The following CNTN1 variants were observed in gnomAD, a reference collection of about 807,000 sequenced individuals.
CNTN1 encodes contactin 1, also known as contactin-1.
Under a neutral mutation model 126.4 loss-of-function variants are expected in CNTN1, and 38 were observed. The observed-to-expected ratio is 0.30, with a 90% confidence interval of 0.23 to 0.39. The LOEUF (loss-of-function observed/expected upper bound fraction) is 0.39. Ranked by LOEUF, CNTN1 falls within the 10% of genes least tolerant of loss-of-function variation. CNTN1 has a pLI of 1.00. For synonymous variants in CNTN1, 413 were observed against 422.6 expected (o/e 0.98, Z 0.28); for missense variants, 1,009 against 1,248.4 (o/e 0.81, Z 2.89).
intron 18 of CNTN1, among the ~76,000 whole-genome samples, chr12:41,014,754 C>G (rs1022721712): frequency 6.6e-6 from 1 of 152,162 alleles, no homozygotes; most frequent in Non-Finnish European, 1.5e-5. Flanking sequence ...TTAGAAGTCA[C>G]CCATGGGACT....
rs1036256810 is a variant in CNTN1 at position 40,933,735 on chromosome 12, C to T, written c.842C>T (p.Pro281Leu). The change falls in exon 9 of 24, where the codon CCA (proline) becomes CTA (leucine). Residue 281 changes from proline (P) to leucine (L), a missense_variant. By Grantham distance (98) the Pro-to-Leu change is moderately conservative. Coordinates refer to ENST00000551295, the MANE Select transcript of CNTN1 (RefSeq NM_001843.4). Reference protein sequence around the residue: ...PDIRWRKVLEPMPSTAEISTS... With the variant: ...PDIRWRKVLELMPSTAEISTS... ...ATCCGATGGCGGAAGGTTCTAGAAC[C>T]AATGCCAAGCACTGCTGAGATTAGC... is the stretch of plus-strand genomic sequence containing the variant. 1 of 1,612,790 alleles carries T rather than the reference C, an allele frequency of 6.2e-7. No homozygotes were observed.
At chr12:40,757,804 G>T (rs1377639999) in intron 1 of CNTN1, among the ~76,000 whole-genome samples, 1 of 152,060 alleles carries the variant, frequency 6.6e-6, no homozygotes, top group Non-Finnish European at 1.5e-5. Flanking sequence ...TCTTAAGTTA[G>T]TCTTTCTTTA....
intron 16 of CNTN1, among the ~76,000 whole-genome samples, chr12:40,985,584 T>C (rs1191217343): frequency 6.6e-6 from 1 of 152,186 alleles, no homozygotes; most frequent in Non-Finnish European, 1.5e-5. Flanking sequence ...AGTTATTGTT[T>C]TAATCATAAT....
intron 1 of CNTN1, among the ~76,000 whole-genome samples, chr12:40,751,128 G>A (rs1044222881): frequency 1.3e-5 from 2 of 152,024 alleles, no homozygotes; most frequent in Non-Finnish European, 2.9e-5. Flanking sequence ...ATAGGATGAA[G>A]ACCAAAAAGA....
At chr12:40,800,189 A>G (rs111337687) in intron 1 of CNTN1, among the ~76,000 whole-genome samples, 1,893 of 151,890 alleles carry the variant, frequency 0.012, 37 homozygotes, top group African/African-American at 0.043. Context: ...TTCTCACGAC[A>G]TCTGATGGTT....
intron 1 of CNTN1, among the ~76,000 whole-genome samples, chr12:40,730,362 G>A (rs1592021986): frequency 6.6e-6 from 1 of 152,182 alleles, no homozygotes; most frequent in Admixed American, 6.5e-5. Context: ...AAGGGTGGAC[G>A]GTGCACTGTG....
intron 3 of CNTN1, among the ~76,000 whole-genome samples, chr12:40,911,739 T>C (rs1945045299): frequency 6.6e-6 from 1 of 152,230 alleles, no homozygotes; most frequent in Non-Finnish European, 1.5e-5. Flanking sequence ...GCTTGTTTTT[T>C]TTCTTGTATC....
intron 14 of CNTN1, among the ~76,000 whole-genome samples, chr12:40,946,650 C>G (rs10879395): frequency 0.46 from 70,078 of 151,900 alleles, 16,190 homozygotes; most frequent in Admixed American, 0.5. Flanking sequence ...AAAACTAATA[C>G]AGGAAGTTCT....
chr12:41,038,970 A>G (rs529355494), intron 23 of CNTN1, among the ~76,000 whole-genome samples: 1 of 152,274 alleles, frequency 6.6e-6, no homozygotes, highest in South Asian at 2.1e-4. Flanking sequence ...CCACCAGAAC[A>G]GTACGAAAGC....
At chr12:40,747,517 G>GT (rs1938234606) in intron 1 of CNTN1, among the ~76,000 whole-genome samples, 1 of 152,110 alleles carries the variant, frequency 6.6e-6, no homozygotes, top group African/African-American at 2.4e-5. Context: ...CTGGTGCACA[G>GT]TGATGCATGA....
chr12:40,934,709 G>A (rs1158947598), intron 9 of CNTN1, among the ~76,000 whole-genome samples: 1 of 151,798 alleles, frequency 6.6e-6, no homozygotes, highest in Non-Finnish European at 1.5e-5. Flanking sequence ...ACAGATTCAC[G>A]CATTCTCTCT....
chr12:40,990,327 A>G (rs946846446), intron 16 of CNTN1, among the ~76,000 whole-genome samples: 18 of 152,308 alleles, frequency 1.2e-4, no homozygotes, highest in Admixed American at 8.5e-4. Flanking sequence ...CAGAATGTCC[A>G]TTCTGGAATT....
intron 1 of CNTN1, among the ~76,000 whole-genome samples, chr12:40,835,246 T>C (rs547413993): frequency 1.3e-5 from 2 of 152,330 alleles, no homozygotes; most frequent in African/African-American, 4.8e-5. Context: ...TAGGCAATTA[T>C]TCATACTTGC....
At chr12:40,861,697 A>G (rs1943120222) in intron 1 of CNTN1, among the ~76,000 whole-genome samples, 1 of 152,120 alleles carries the variant, frequency 6.6e-6, no homozygotes, top group Non-Finnish European at 1.5e-5. Context: ...CCTCTTCAAA[A>G]AAGTTATTTT....
intron 1 of CNTN1, among the ~76,000 whole-genome samples, chr12:40,785,434 C>T (rs1339102810): frequency 6.6e-6 from 1 of 152,084 alleles, no homozygotes; most frequent in Non-Finnish European, 1.5e-5. Flanking sequence ...GAAGAGACCA[C>T]CAAACAGGCT....
intron 15 of CNTN1, among the ~76,000 whole-genome samples, chr12:40,980,468 A>G (rs1947793607): frequency 6.8e-6 from 1 of 147,722 alleles, no homozygotes; most frequent in Non-Finnish European, 1.5e-5. Flanking sequence ...AAAAAAAGCC[A>G]CAAAGAACAA....
intron 14 of CNTN1, among the ~76,000 whole-genome samples, chr12:40,944,544 A>G (rs1946371582): frequency 6.6e-6 from 1 of 152,066 alleles, no homozygotes; most frequent in South Asian, 2.1e-4. Flanking sequence ...TGATGATCTT[A>G]AAGCATTTAT....
At chr12:41,003,896 C>T (rs1459946284) in intron 17 of CNTN1, among the ~76,000 whole-genome samples, 5 of 152,100 alleles carry the variant, frequency 3.3e-5, no homozygotes, top group Non-Finnish European at 5.9e-5. Context: ...AGCACCAGCT[C>T]CTAGATTTGT....
In CNTN1 at chr12:40,939,398, G is replaced by A. The variant is rs756198153; in HGVS notation, c.1292G>A (p.Arg431Lys). The change falls in exon 12 of 24, where the codon AGG becomes AAG. Residue 431 changes from arginine (R) to lysine (K), a missense_variant. Transcript: ENST00000551295. ...KKKILAAKGGRVIIECKPKAA... is the reference protein window; with the variant it reads ...KKKILAAKGGKVIIECKPKAA... Reference sequence around the variant, plus strand: ...AAGATCCTGGCTGCTAAAGGTGGAAGGGTGATAATTGAATGCAAACCTAAA... The same window carrying A: ...AAGATCCTGGCTGCTAAAGGTGGAAAGGTGATAATTGAATGCAAACCTAAA... 1.2e-6 allele frequency: 2 copies of A among 1,613,942 alleles called. No individual in the cohort carries two copies. Among genetic ancestry groups the A allele is most frequent in the Non-Finnish European group, 1.7e-6 (2 of 1,179,944 alleles).
Sources: gnomAD v4.1 joint callset for allele counts (sites outside exome capture counted in the v4.1 genomes callset) on GRCh38, gnomAD v4.1.1 for gene constraint, MANE v1.5 for transcripts, NCBI Gene and HGNC (gene_info 2026-07-23, HGNC 2026-07-21) for gene names.